AUH: variants seen among roughly 807,000 people sequenced by gnomAD.
AUH encodes methylglutaconyl-CoA hydratase, mitochondrial.
Under a neutral mutation model 42.3 loss-of-function variants are expected in AUH, and 29 were observed. The observed-to-expected ratio is 0.69, with a 90% CI of 0.51 to 0.93. AUH has a LOEUF of 0.93. Ranked by LOEUF, AUH falls within the 40% of genes least tolerant of loss-of-function variation. AUH has a pLI of 0.00. For missense variants in AUH, 452 were observed against 438.1 expected, an observed-to-expected ratio of 1.03 and a Z score of -0.28; for synonymous variants, 174 against 166.4, an observed-to-expected ratio of 1.05 and a Z score of -0.35.
intron 4 of AUH, among the ~76,000 whole-genome samples, chr9:91,310,546 C>T (rs984755015): frequency 6.6e-6 from 1 of 152,132 alleles, no homozygotes; most frequent in African/African-American, 2.4e-5. Flanking sequence ...TTTCTGATTC[C>T]ACATCAAGAG....
chr9:91,241,677 T>C (rs1025079635), intron 6 of AUH, among the ~76,000 whole-genome samples: 1 of 152,222 alleles, frequency 6.6e-6, no homozygotes, highest in Non-Finnish European at 1.5e-5. Flanking sequence ...GTTTCATGTT[T>C]ACCTTACTAG....
intron 1 of AUH, among the ~76,000 whole-genome samples, chr9:91,358,598 G>A (rs1057420444): frequency 1.8e-4 from 27 of 152,282 alleles, no homozygotes; most frequent in African/African-American, 5.8e-4. Context: ...TACAACATGA[G>A]GACCCAATTA....
chr9:91,216,120 CAT>C lies in AUH; in HGVS notation c.895-16_895-15del. ...TACTAAATCGACCTGAGAATAAAAA[CAT>C]AATCCATTTCAGCAGAAATAACTTT... On this transcript the variant is annotated splice_polypyrimidine_tract_variant and intron_variant, in intron 8 of 9. Coordinates refer to ENST00000375731, the MANE Select transcript of AUH (RefSeq NM_001698.3). 1 of 1,610,802 alleles carries C rather than the reference CAT, an allele frequency of 6.2e-7. No homozygotes were observed.
intron 6 of AUH, among the ~76,000 whole-genome samples, chr9:91,242,275 G>A (rs1241717458): frequency 6.6e-6 from 1 of 152,206 alleles, no homozygotes; most frequent in African/African-American, 2.4e-5. Context: ...AGTCAGGTTA[G>A]AGGCTGCCTA....
chr9:91,318,755 T>C (rs990640373), intron 4 of AUH, among the ~76,000 whole-genome samples: 3 of 152,230 alleles, frequency 2.0e-5, no homozygotes, highest in Non-Finnish European at 2.9e-5. Flanking sequence ...AGTCATGCCA[T>C]TGGGCACCTC....
At chr9:91,344,181 A>T (rs1831311166) in intron 3 of AUH, among the ~76,000 whole-genome samples, 1 of 152,194 alleles carries the variant, frequency 6.6e-6, no homozygotes, top group Non-Finnish European at 1.5e-5. Context: ...TTCCCACCTG[A>T]AGGCTTCATT....
intron 6 of AUH, among the ~76,000 whole-genome samples, chr9:91,265,149 T>TTTTC (rs1174502949): frequency 8.5e-5 from 13 of 152,182 alleles, no homozygotes; most frequent in Non-Finnish European, 1.5e-4. Context: ...GATGTGTGTC[T>TTTTC]TTTCCATCTC....
intron 3 of AUH, among the ~76,000 whole-genome samples, chr9:91,336,724 G>A (rs1238474325): frequency 1.3e-5 from 2 of 151,432 alleles, no homozygotes; most frequent in Admixed American, 1.3e-4. Flanking sequence ...AAATGAACCT[G>A]GATTGCACAG....
intron 3 of AUH, among the ~76,000 whole-genome samples, chr9:91,342,115 A>G (rs146694839): frequency 8.0e-4 from 122 of 152,310 alleles, no homozygotes; most frequent in African/African-American, 2.7e-3. Context: ...TTACCTGACA[A>G]TTCTAGGTCA....
At chr9:91,269,137 T>G (rs576595956) in intron 6 of AUH, among the ~76,000 whole-genome samples, 1 of 152,254 alleles carries the variant, frequency 6.6e-6, no homozygotes, top group Admixed American at 6.5e-5. Flanking sequence ...TGCGCCACCA[T>G]GCCCAGCTAA....
At chr9:91,312,862 T>C (rs1564090194) in intron 4 of AUH, among the ~76,000 whole-genome samples, 1 of 152,208 alleles carries the variant, frequency 6.6e-6, no homozygotes, top group Non-Finnish European at 1.5e-5. Flanking sequence ...GTAAGTACTG[T>C]CAAAGACAAA....
chr9:91,336,128 C>A (rs1276761230), intron 3 of AUH, among the ~76,000 whole-genome samples: 1 of 152,102 alleles, frequency 6.6e-6, no homozygotes, highest in African/African-American at 2.4e-5. Context: ...AGTGAAAAAA[C>A]AACTTTATTA....
chr9:91,325,305 T>C lies in AUH; in HGVS notation c.505+13A>G, dbSNP rs781484387. On this transcript the variant is annotated intron_variant, in intron 4 of 9. Coordinates refer to ENST00000375731, the MANE Select transcript of AUH (RefSeq NM_001698.3). ...CCTTCGGCATGCTGAAAGAAGAACT[T>C]AATAGTGCTTACCAATATCGTTAAT... The C allele has an allele frequency of 6.2e-7, 1 of 1,608,424 alleles. No homozygotes were observed. The highest frequency in any genetic ancestry group is 8.5e-7 in the Non-Finnish European group (1 of 1,174,908).
chr9:91,293,843 G>A (rs1827105206), intron 6 of AUH, among the ~76,000 whole-genome samples: 1 of 152,198 alleles, frequency 6.6e-6, no homozygotes, highest in South Asian at 2.1e-4. Context: ...CAGAAGAGAA[G>A]TCAATGCCTG....
intron 4 of AUH, among the ~76,000 whole-genome samples, chr9:91,300,176 C>T (rs1047504314): frequency 1.3e-5 from 2 of 152,132 alleles, no homozygotes; most frequent in African/African-American, 4.8e-5. Flanking sequence ...TTTCCATCTA[C>T]CTCTGGTAAT....
chr9:91,292,405 G>C (rs1327654615), intron 6 of AUH, among the ~76,000 whole-genome samples: 1 of 151,268 alleles, frequency 6.6e-6, no homozygotes, highest in East Asian at 2.0e-4. Context: ...CAGCCTCCCA[G>C]GTAGCTGTGA....
chr9:91,361,777 C>T lies in AUH; in HGVS notation c.113G>A (p.Gly38Asp). 5 of 1,544,194 alleles carry T rather than the reference C, an allele frequency of 3.2e-6. No individual in the cohort carries two copies. The highest frequency in any genetic ancestry group is 3.5e-6 in the Non-Finnish European group (4 of 1,145,902). ...GCCCGCTCGCCGGCCTGCCAACGAG[C>T]CGGGCAGCCTCAACCCCGGGCAGAG... ...AWLCPGLRLP[G>D]SLAGRRAGPA... The change falls in exon 1 of 10, where the codon GGC (glycine) becomes GAC (aspartate). Residue 38 changes from glycine to aspartate, a missense_variant. Physicochemically the swap from Gly to Asp is moderately conservative, Grantham distance 94. Coordinates refer to ENST00000375731, the MANE Select transcript of AUH (RefSeq NM_001698.3).
At chr9:91,218,875 T>C in intron 7 of AUH, 1 of 985,486 alleles carries the variant, frequency 1.0e-6, no homozygotes, top group African/African-American at 1.7e-5. Flanking sequence ...ATTTGGTGAC[T>C]CGTGCATGTA....
intron 6 of AUH, among the ~76,000 whole-genome samples, chr9:91,244,195 T>C (rs1218813882): frequency 1.3e-5 from 2 of 152,204 alleles, no homozygotes; most frequent in East Asian, 3.9e-4. Flanking sequence ...CCACAACATA[T>C]AAAATGAATG....
Sources: gnomAD v4.1 joint callset for allele counts (sites outside exome capture counted in the v4.1 genomes callset) on GRCh38, gnomAD v4.1.1 for gene constraint, MANE v1.5 for transcripts, NCBI Gene and HGNC (gene_info 2026-07-23, HGNC 2026-07-21) for gene names.